Variants in GRM7 observed in about 807,000 individuals in gnomAD.
GRM7 encodes glutamate metabotropic receptor 7.
In GRM7, 35 loss-of-function variants were observed where a neutral mutation model predicts 84.5. The observed-to-expected ratio is 0.41, with a 90% CI of 0.32 to 0.55. The LOEUF is 0.55. GRM7 is among the 20% of genes least tolerant of loss of function. The probability of loss-of-function intolerance (pLI) is 0.19; values close to 1 mark genes in which losing one functional copy is unlikely to be tolerated. For missense variants in GRM7, 1,003 were observed against 1,194.6 expected (o/e 0.84, Z 2.36); for synonymous variants, 487 against 455.1 (o/e 1.07, Z -0.89).
chr3:7,586,399 G>C (rs1192547085), intron 8 of GRM7, among the ~76,000 whole-genome samples: 1 of 150,860 alleles, frequency 6.6e-6, no homozygotes, highest in African/African-American at 2.4e-5. Flanking sequence ...TTTTTTTGTA[G>C]CTTTATTTCT....
chr3:7,103,744 CTCTCCCTTTCTTT>C (rs1699187307), intron 1 of GRM7, among the ~76,000 whole-genome samples: 7 of 136,970 alleles, frequency 5.1e-5, no homozygotes, highest in Non-Finnish European at 1.1e-4. Flanking sequence ...CTCTTTCTCT[CTCTCCCTTTCTTT>C]CTTTCTTTCT....
intron 2 of GRM7, among the ~76,000 whole-genome samples, chr3:7,264,864 C>T (rs1007696713): frequency 0.055 from 113 of 2,052 alleles, no homozygotes; most frequent in African/African-American, 0.17. Context: ...GAGCAAATAT[C>T]TTTAAAGCAG....
chr3:7,600,609 C>A (rs1696264354), intron 8 of GRM7, among the ~76,000 whole-genome samples: 1 of 152,146 alleles, frequency 6.6e-6, no homozygotes, highest in Non-Finnish European at 1.5e-5. Context: ...TTCTCCTCCT[C>A]TCTGGGCATC....
intron 4 of GRM7, among the ~76,000 whole-genome samples, chr3:7,308,874 G>A (rs1388295695): frequency 6.6e-6 from 1 of 152,082 alleles, no homozygotes; most frequent in Non-Finnish European, 1.5e-5. Flanking sequence ...TATCTCAAAG[G>A]TTTAACAAAT....
intron 1 of GRM7, among the ~76,000 whole-genome samples, chr3:7,084,338 T>C (rs1297927449): frequency 6.6e-6 from 1 of 151,870 alleles, no homozygotes; most frequent in African/African-American, 2.4e-5. Context: ...ACTGTAGAGG[T>C]AGGTAGGGCC....
chr3:7,402,505 A>G (rs1456864224), intron 4 of GRM7, among the ~76,000 whole-genome samples: 1 of 152,166 alleles, frequency 6.6e-6, no homozygotes, highest in African/African-American at 2.4e-5. Flanking sequence ...TTTACGAGCC[A>G]TCTATTCTCA....
Position 7,006,300 on chromosome 3 carries a change from C to T in GRM7, c.520-140152C>T, listed in dbSNP as rs559897952. ...ACTGAAACTCAGTTGATATACTGAG[C>T]TTCATAGTCATACTACCAAGATCAC... On this transcript the variant is annotated intron_variant, in intron 1 of 9. Transcript: ENST00000357716. 3.3e-5 allele frequency among the ~76,000 whole-genome samples: 5 copies of T among 152,228 alleles called. No individual in the cohort carries two copies. In the South Asian group the frequency reaches 1.0e-3, roughly 32 times the overall value.
At chr3:7,084,364 C>T (rs915717227) in intron 1 of GRM7, among the ~76,000 whole-genome samples, 6 of 152,066 alleles carry the variant, frequency 3.9e-5, no homozygotes, top group African/African-American at 1.4e-4. Flanking sequence ...ATCTGTGTTG[C>T]AACAAGCCTC....
chr3:7,224,992 T>C (rs1216524703), intron 2 of GRM7, among the ~76,000 whole-genome samples: 1 of 152,202 alleles, frequency 6.6e-6, no homozygotes, highest in Non-Finnish European at 1.5e-5. Context: ...ATTTTTTCTT[T>C]AGTTTTTACA....
chr3:6,939,564 G>A (rs1697815447), intron 1 of GRM7, among the ~76,000 whole-genome samples: 1 of 152,084 alleles, frequency 6.6e-6, no homozygotes, highest in Non-Finnish European at 1.5e-5. Flanking sequence ...CATGAAAAAT[G>A]TAAGTTTTAG....
chr3:7,026,555 A>C (rs1403657998), intron 1 of GRM7, among the ~76,000 whole-genome samples: 1 of 152,196 alleles, frequency 6.6e-6, no homozygotes, highest in Non-Finnish European at 1.5e-5. Context: ...AGCACTATGG[A>C]ATACTTACTA....
chr3:7,738,318 C>T (rs1702572438), intron 9 of GRM7, among the ~76,000 whole-genome samples: 1 of 152,116 alleles, frequency 6.6e-6, no homozygotes, highest in South Asian at 2.1e-4. Context: ...CATCAGGCAG[C>T]CTAGTTCTGG....
intron 8 of GRM7, among the ~76,000 whole-genome samples, chr3:7,637,126 T>C (rs147601271): frequency 1.1e-3 from 161 of 152,312 alleles, no homozygotes; most frequent in African/African-American, 3.6e-3. Context: ...TTTGAAGACA[T>C]GTCCCCTTTA....
At chr3:7,114,222 T>C (rs982891579) in intron 1 of GRM7, among the ~76,000 whole-genome samples, 1 of 152,188 alleles carries the variant, frequency 6.6e-6, no homozygotes, top group African/African-American at 2.4e-5. Context: ...TTACTAGAAG[T>C]GGAACTTGCT....
In GRM7 at chr3:7,000,374, A is replaced by G. The variant is rs141301128; in HGVS notation, c.519+138467A>G. On this transcript the variant is annotated intron_variant, in intron 1 of 9. Coordinates refer to ENST00000357716, the MANE Select transcript of GRM7 (RefSeq NM_000844.4). Reference sequence around the variant, plus strand: ...TATTTTATTTTATTTTTTAGTAGAGACAGGATTTCACCACATTGGCCAGGA... The same window carrying G: ...TATTTTATTTTATTTTTTAGTAGAGGCAGGATTTCACCACATTGGCCAGGA... 7.9e-3 allele frequency among the ~76,000 whole-genome samples: 1,199 copies of G among 151,872 alleles called. 6 individuals are homozygous for G. The highest frequency in any genetic ancestry group is 0.013 in the Admixed American group (193 of 15,240).
In GRM7 at chr3:7,572,874, AT is replaced by A. The variant is rs1559411975; in HGVS notation, c.1516-5547del. Among the ~76,000 whole-genome samples, 95 of 90,160 alleles carry A rather than the reference AT, an allele frequency of 1.1e-3. 3 individuals carry two copies. The highest frequency in any genetic ancestry group is 3.6e-3 in the African/African-American group (81 of 22,462). 59.1% of individuals were successfully genotyped at this position (90,160 alleles called of 152,430 possible). On this transcript the variant is annotated intron_variant, in intron 7 of 9. Coordinates refer to ENST00000357716, the MANE Select transcript of GRM7 (RefSeq NM_000844.4). ...TATATATATATATATATATATATAT[AT>A]ATATAAATAATCTTTCTACCTATAA...
At chr3:7,152,923 A>C (rs1694329720) in intron 2 of GRM7, among the ~76,000 whole-genome samples, 1 of 152,166 alleles carries the variant, frequency 6.6e-6, no homozygotes, top group Admixed American at 6.5e-5. Context: ...CTAATCAGAC[A>C]TACCTATCAG....
chr3:7,405,155 T>A (rs1695620911), intron 4 of GRM7, among the ~76,000 whole-genome samples: 1 of 152,178 alleles, frequency 6.6e-6, no homozygotes, highest in South Asian at 2.1e-4. Context: ...AATGTTTCTA[T>A]CTGAGAATAC....
At chr3:7,460,928 T>C (rs1698221487) in intron 6 of GRM7, among the ~76,000 whole-genome samples, 1 of 152,220 alleles carries the variant, frequency 6.6e-6, no homozygotes, top group African/African-American at 2.4e-5. Context: ...GCCAGAATAA[T>C]TGGTTGTGTC....
Sources: gnomAD v4.1 joint callset for allele counts (sites outside exome capture counted in the v4.1 genomes callset) on GRCh38, gnomAD v4.1.1 for gene constraint, MANE v1.5 for transcripts, NCBI Gene and HGNC (gene_info 2026-07-23, HGNC 2026-07-21) for gene names.